CPXM2: variants seen among roughly 807,000 people sequenced by gnomAD.
CPXM2 encodes the protein carboxypeptidase X, M14 family member 2.
Under a neutral mutation model 86.1 loss-of-function variants are expected in CPXM2, and 66 were observed. The observed-to-expected ratio is 0.77, with a 90% CI of 0.63 to 0.94. The LOEUF (loss-of-function observed/expected upper bound fraction) is 0.94. Among genes scored for constraint, CPXM2 ranks in the 40% least tolerant of loss-of-function variants. The pLI, the probability that CPXM2 is intolerant of heterozygous loss-of-function variation, is 0.00. For synonymous variants in CPXM2, 388 were observed against 400.2 expected (o/e 0.97, Z 0.36); for missense variants, 948 against 1,026.3 (o/e 0.92, Z 1.04).
intron 3 of CPXM2, 145 bp from the exon 4 acceptor site, chr10:123,842,633 G>T: frequency 1.3e-6 from 1 of 747,138 alleles, no homozygotes; most frequent in Non-Finnish European, 2.1e-6. Context: ...ATTGTGCCCT[G>T]AACTCCTCAT....
At chr10:123,911,904 G>A (rs553991647) in intron 2 of CPXM2, among the ~76,000 whole-genome samples, 9 of 152,172 alleles carry the variant, frequency 5.9e-5, no homozygotes, top group South Asian at 4.1e-4. Flanking sequence ...GAAAGAATTC[G>A]ACTGAGGGGC....
At chr10:123,869,528 T>C (rs181578994) in intron 2 of CPXM2, among the ~76,000 whole-genome samples, 17 of 151,914 alleles carry the variant, frequency 1.1e-4, no homozygotes, top group Middle Eastern at 3.4e-3. Context: ...GAAAGGAGAG[T>C]GACAATCATC....
chr10:123,852,325 T>A (rs75630069), intron 3 of CPXM2, among the ~76,000 whole-genome samples: 4,772 of 152,284 alleles, frequency 0.031, 110 homozygotes, highest in Non-Finnish European at 0.05. Context: ...GACTCCCTTC[T>A]ATTCTCTTGC....
chr10:123,891,325 C>A lies in CPXM2; in HGVS notation c.304+31G>T, dbSNP rs1406550469. 1 of 1,464,706 alleles carries A rather than the reference C, an allele frequency of 6.8e-7. No homozygotes were observed. Among genetic ancestry groups the A allele is most frequent in the Admixed American group, 2.6e-5 (1 of 38,830 alleles). 90.7% of individuals were successfully genotyped at this position (1,464,706 alleles called of 1,614,324 possible). ...GGAGGCGCGCAACCACCGGCGCCCC[C>A]TCGGGCTGCCCAGCGCAGAAAGTTC... On this transcript the variant is annotated intron_variant, in intron 1 of 13. Coordinates refer to ENST00000241305, the MANE Select transcript of CPXM2 (RefSeq NM_198148.3). This position sits in a 1 kb window ranked among gnomAD's most constrained non-coding sequence, Gnocchi z 5.6.
chr10:123,814,908 C>T (rs537854493), intron 4 of CPXM2, among the ~76,000 whole-genome samples: 18 of 152,210 alleles, frequency 1.2e-4, no homozygotes, highest in African/African-American at 3.6e-4. Context: ...ACCTGTAGTC[C>T]CAGCTACTCG....
At chr10:123,831,271 G>A (rs1366500450) in intron 4 of CPXM2, among the ~76,000 whole-genome samples, 2 of 152,178 alleles carry the variant, frequency 1.3e-5, no homozygotes, top group African/African-American at 4.8e-5. Flanking sequence ...ATCTGGAATA[G>A]TTGCTTGAGG....
At chr10:123,768,377 AAATAAATAAATAAAT>A (rs1476876683) in intron 9 of CPXM2, 134 bp downstream of exon 9, 579 of 11,308 alleles carry the variant, frequency 0.051, 5 homozygotes, top group Middle Eastern at 0.083. Flanking sequence ...CCGACTCAAA[AAATAAATAAATAAAT>A]AAATAAATAA....
At chr10:123,788,146 T>C (rs1036836411) in intron 6 of CPXM2, among the ~76,000 whole-genome samples, 2 of 151,740 alleles carry the variant, frequency 1.3e-5, no homozygotes, top group South Asian at 2.1e-4. Flanking sequence ...CTGGGAGTGA[T>C]GGCACATACC....
intron 6 of CPXM2, among the ~76,000 whole-genome samples, chr10:123,792,872 C>T (rs1847238049): frequency 6.6e-6 from 1 of 152,176 alleles, no homozygotes; most frequent in African/African-American, 2.4e-5. Flanking sequence ...CCCAGAGCCA[C>T]CGGCAGGAAA....
At position 123,747,015 on chromosome 10, in the gene CPXM2, T is replaced by A. The variant is rs746583159; in HGVS notation, c.2020A>T (p.Asn674Tyr). 6.2e-7 allele frequency: 1 copy of A among 1,613,272 alleles called. No individual in the cohort carries two copies. Among genetic ancestry groups the A allele is most frequent in the South Asian group, 1.1e-5 (1 of 91,022 alleles). ...AGGAGGCGCCAGTAATCCCCATCGT[T>A]GGCTGTGAAAAAGAAAACCAGGGGA... ...EGINHDIRTA[N>Y]DGDYWRLLNP... The change falls in exon 14 of 14, where the codon AAC becomes TAC. Residue 674 changes from asparagine to tyrosine, a missense_variant and splice_region_variant. By Grantham distance (143) the Asn-to-Tyr change is moderately radical. Coordinates refer to ENST00000241305, the MANE Select transcript of CPXM2 (RefSeq NM_198148.3).
chr10:123,774,906 G>A (rs1381072043), intron 7 of CPXM2, among the ~76,000 whole-genome samples: 1 of 152,212 alleles, frequency 6.6e-6, no homozygotes, highest in Non-Finnish European at 1.5e-5. Context: ...AAAAGACACA[G>A]TAATAACGTC....
intron 3 of CPXM2, among the ~76,000 whole-genome samples, chr10:123,854,036 T>C (rs768585565): frequency 6.6e-6 from 1 of 151,716 alleles, no homozygotes; most frequent in Non-Finnish European, 1.5e-5. Context: ...CTTGAAGCAC[T>C]AACACAGAAT....
intron 3 of CPXM2, among the ~76,000 whole-genome samples, chr10:123,848,099 C>T (rs1294576419): frequency 6.6e-6 from 1 of 152,174 alleles, no homozygotes; most frequent in Non-Finnish European, 1.5e-5. Flanking sequence ...AATTTAGAAG[C>T]AATAGCTGAA....
intron 6 of CPXM2, among the ~76,000 whole-genome samples, chr10:123,791,211 C>T (rs1428700794): frequency 2.0e-5 from 3 of 152,096 alleles, no homozygotes; most frequent in East Asian, 1.9e-4. Flanking sequence ...GTCGGGGGTT[C>T]GAGACCAGCC....
chr10:123,800,028 GTTTTTT>G (rs530876054), intron 4 of CPXM2, among the ~76,000 whole-genome samples: 1 of 109,612 alleles, frequency 9.1e-6, no homozygotes, highest in African/African-American at 3.3e-5. Context: ...TAGTTTTTTG[GTTTTTT>G]TTTTTTTTTT....
intron 3 of CPXM2, among the ~76,000 whole-genome samples, chr10:123,853,729 A>C (rs1848648734): frequency 6.6e-6 from 1 of 152,188 alleles, no homozygotes; most frequent in East Asian, 1.9e-4. Flanking sequence ...ACATGGTGAA[A>C]CCCTGTCTCT....
rs114409821 is a variant in CPXM2 at position 123,866,637 on chromosome 10, C to G, written c.404-3914G>C. Among the ~76,000 whole-genome samples the G allele has an allele frequency of 3.2e-3, 492 of 152,248 alleles. 4 individuals carry two copies. The highest frequency in any genetic ancestry group is 0.01 in the African/African-American group (428 of 41,524). ...CTGGCCTGTTGACGTGGCAGGCAGG[C>G]CTCAGAACCCTGGAGGCCCCCATCA... On this transcript the variant is annotated intron_variant, in intron 2 of 13. Coordinates refer to ENST00000241305, the MANE Select transcript of CPXM2 (RefSeq NM_198148.3).
chr10:123,777,548 C>CA (rs11431171), intron 7 of CPXM2: 153,202 of 153,202 alleles, frequency 1, 76,601 homozygotes, highest in Non-Finnish European at 1. Context: ...AAAGAACCTC[C>CA]CAGACCCCTG....
intron 2 of CPXM2, among the ~76,000 whole-genome samples, chr10:123,930,952 C>T (rs1945662111): frequency 6.6e-6 from 1 of 152,232 alleles, no homozygotes; most frequent in Admixed American, 6.5e-5. Flanking sequence ...GCCGGGGAAA[C>T]TTACCCACAC....
Sources: gnomAD v4.1 joint callset for allele counts (sites outside exome capture counted in the v4.1 genomes callset) on GRCh38, gnomAD v4.1.1 for gene constraint, Gnocchi (gnomAD v3.1) non-coding constraint, MANE v1.5 for transcripts, NCBI Gene and HGNC (gene_info 2026-07-23, HGNC 2026-07-21) for gene names.